Variants in RBM27 observed in about 807,000 individuals in gnomAD.
The protein encoded by RBM27 is RNA binding motif protein 27, also known as RNA-binding protein 27.
RBM27 carries 22 observed loss-of-function variants against 135.3 expected under a neutral mutation model. The ratio of observed to expected loss-of-function variants is 0.16; its 90% CI spans 0.12 to 0.23. The LOEUF (loss-of-function observed/expected upper bound fraction) is 0.23. Ranked by LOEUF, RBM27 falls within the 10% of genes least tolerant of loss-of-function variation. The pLI is 1.00. For missense variants in RBM27, 1,009 were observed against 1,281.0 expected (o/e 0.79, Z 3.24); for synonymous variants, 481 against 442.4 (o/e 1.09, Z -1.10).
chr5:146,214,740 C>A (rs1355221219), intron 1 of RBM27, among the ~76,000 whole-genome samples: 1 of 152,152 alleles, frequency 6.6e-6, no homozygotes. Context: ...TCAGAGCGTA[C>A]TTTATGGATA....
At position 146,233,751 on chromosome 5, in the gene RBM27, T is replaced by C; in HGVS notation, c.1144+8T>C. The C allele has an allele frequency of 2.2e-6, 3 of 1,374,250 alleles. No individual in the cohort carries two copies. Among genetic ancestry groups the C allele is most frequent in the Non-Finnish European group, 2.8e-6 (3 of 1,057,122 alleles). 85.1% of individuals were successfully genotyped at this position (1,374,250 alleles called of 1,614,324 possible). ...TTGTGCTTCCCATACCAAGTAAGTA[T>C]ATATTTGTTGAATTTTTCTCTAGCG... On this transcript the variant is annotated splice_region_variant and intron_variant, in intron 7 of 20. Transcript: ENST00000265271.
At chr5:146,285,535 A>T (rs1454804310) in intron 20 of RBM27, among the ~76,000 whole-genome samples, 1 of 152,140 alleles carries the variant, frequency 6.6e-6, no homozygotes, top group Non-Finnish European at 1.5e-5. Context: ...TGGGGAAGCT[A>T]GTATATTCAC....
intron 17 of RBM27, 32 bp downstream of exon 17, chr5:146,269,616 G>A (rs755739769): frequency 4.9e-6 from 7 of 1,430,772 alleles, no homozygotes; most frequent in Non-Finnish European, 6.5e-6. Flanking sequence ...TTAACATAGG[G>A]TTATTGAACA....
At chr5:146,225,458 A>G (rs910640323) in intron 3 of RBM27, among the ~76,000 whole-genome samples, 1 of 152,138 alleles carries the variant, frequency 6.6e-6, no homozygotes, top group Non-Finnish European at 1.5e-5. Flanking sequence ...TTCTTTTTAT[A>G]TCATGCCCTG....
Position 146,260,680 on chromosome 5 carries a change from G to T in RBM27, c.1740-65G>T, listed in dbSNP as rs1016770185. On this transcript the variant is annotated intron_variant, in intron 11 of 20. Coordinates refer to ENST00000265271, the MANE Select transcript of RBM27 (RefSeq NM_018989.2). Reference sequence around the variant, plus strand: ...AAAATTATAAACCTAAATTCTTTGTGGTTATATCTCTTTGCTAGGCATGAA... The same window carrying T: ...AAAATTATAAACCTAAATTCTTTGTTGTTATATCTCTTTGCTAGGCATGAA... 1.2e-4 allele frequency: 171 copies of T among 1,383,856 alleles called. 1 individual carries two copies. In the East Asian group the frequency reaches 4.1e-3, roughly 33 times the overall value. The allele number at this position is 1,383,856 out of a possible 1,614,324, so 85.7% of individuals were successfully genotyped here.
At chr5:146,236,124 A>C (rs1757148051) in intron 7 of RBM27, among the ~76,000 whole-genome samples, 1 of 152,242 alleles carries the variant, frequency 6.6e-6, no homozygotes, top group Non-Finnish European at 1.5e-5. Flanking sequence ...CAGCGTGGGA[A>C]CATATCTATT....
intron 19 of RBM27, among the ~76,000 whole-genome samples, chr5:146,276,369 A>G (rs904085147): frequency 1.3e-5 from 2 of 152,228 alleles, no homozygotes; most frequent in African/African-American, 2.4e-5. Flanking sequence ...GTTTATCTCT[A>G]AAGTACTGTT....
rs60533572 is a variant in RBM27 at position 146,220,580 on chromosome 5, A to G, written c.178+1477A>G. On this transcript the variant is annotated intron_variant, in intron 2 of 20. Transcript: ENST00000265271. ...TTATCAGTTGATTTAGCTATTGGTG[A>G]TGAGAAGATATCATTTAAAATAAGT... Among the ~76,000 whole-genome samples the G allele has an allele frequency of 4.4e-4, 66 of 151,662 alleles. 1 individual carries two copies. The highest frequency in any genetic ancestry group is 1.6e-3 in the African/African-American group (65 of 41,424).
Position 146,211,066 on chromosome 5 carries a change from A to G in RBM27, c.59+7242A>G, listed in dbSNP as rs527848308. The stretch of plus-strand genomic sequence containing the variant: ...GGTGGGTGGAGCACTTGAGTCCAGG[A>G]GTTCGAGACCAGCCTGGACAATGGG... On this transcript the variant is annotated intron_variant, in intron 1 of 20. Coordinates refer to ENST00000265271, the MANE Select transcript of RBM27 (RefSeq NM_018989.2). 2.5e-3 allele frequency among the ~76,000 whole-genome samples: 378 copies of G among 152,214 alleles called. 3 individuals carry two copies. Among genetic ancestry groups the G allele is most frequent in the African/African-American group, 8.9e-3 (370 of 41,542 alleles).
At chr5:146,264,654 TAAAAAAAAAAAA>T (rs35210934) in intron 14 of RBM27, among the ~76,000 whole-genome samples, 2 of 97,904 alleles carry the variant, frequency 2.0e-5, no homozygotes, top group African/African-American at 7.3e-5. Flanking sequence ...CAAAGAGAGC[TAAAAAAAAAAAA>T]AAAAAAAAAG....
intron 8 of RBM27, among the ~76,000 whole-genome samples, chr5:146,246,598 G>A (rs1171033154): frequency 6.6e-6 from 1 of 152,128 alleles, no homozygotes; most frequent in Non-Finnish European, 1.5e-5. Context: ...AAGATACCTT[G>A]AGGCCAAGAG....
intron 1 of RBM27, among the ~76,000 whole-genome samples, chr5:146,216,608 A>G (rs1756204380): frequency 6.6e-6 from 1 of 152,204 alleles, no homozygotes; most frequent in African/African-American, 2.4e-5. Flanking sequence ...TTATCTGTTC[A>G]TAATTCTCCA....
At chr5:146,269,360 A>C in intron 16 of RBM27, 60 bp from the exon 17 acceptor site, 2 of 1,482,150 alleles carry the variant, frequency 1.3e-6, no homozygotes, top group East Asian at 4.7e-5. Flanking sequence ...TAATTTTTAA[A>C]GACTTCTTTA....
intron 19 of RBM27, among the ~76,000 whole-genome samples, chr5:146,282,739 A>C (rs1381583732): frequency 6.6e-6 from 1 of 152,220 alleles, no homozygotes; most frequent in Non-Finnish European, 1.5e-5. Context: ...AGTCCCCCAG[A>C]AACACCAAGT....
intron 1 of RBM27, among the ~76,000 whole-genome samples, chr5:146,206,175 A>G (rs1755636965): frequency 2.0e-5 from 3 of 152,208 alleles, no homozygotes; most frequent in Non-Finnish European, 4.4e-5. Context: ...TATCCTTTTA[A>G]GAAGAATTAA....
intron 4 of RBM27, 111 bp from the exon 5 acceptor site, chr5:146,229,606 A>G (rs1756839370): frequency 2.2e-6 from 2 of 914,742 alleles, no homozygotes; most frequent in Non-Finnish European, 3.3e-6. Flanking sequence ...AACTTTCTAA[A>G]AAAGCATAGA....
intron 1 of RBM27, among the ~76,000 whole-genome samples, chr5:146,207,951 GT>G (rs11401604): frequency 5.9e-4 from 48 of 81,212 alleles, no homozygotes; most frequent in African/African-American, 2.2e-3. Context: ...GGCCTAACAG[GT>G]TTTTTTTTTT....
chr5:146,217,775 C>T (rs1485887848), intron 1 of RBM27, among the ~76,000 whole-genome samples: 1 of 151,454 alleles, frequency 6.6e-6, no homozygotes, highest in Non-Finnish European at 1.5e-5. Context: ...TTTTTTGTTT[C>T]TTTGAGACAG....
At chr5:146,276,240 AT>A (rs1240521901) in intron 19 of RBM27, among the ~76,000 whole-genome samples, 2 of 152,128 alleles carry the variant, frequency 1.3e-5, no homozygotes, top group Non-Finnish European at 2.9e-5. Flanking sequence ...CCTTAAAAAA[AT>A]AAATTATTCT....
Sources: allele counts gnomAD v4.1 joint callset (sites outside exome capture counted in the v4.1 genomes callset), GRCh38; gene constraint gnomAD v4.1.1; transcripts MANE v1.5; gene names NCBI Gene and HGNC (gene_info 2026-07-23, HGNC 2026-07-21).